Variants in SOX5 observed in about 807,000 individuals in gnomAD.
The protein encoded by SOX5 is SRY-box transcription factor 5, also known as transcription factor SOX-5.
Under a neutral mutation model 92.0 loss-of-function variants are expected in SOX5, and 9 were observed. The ratio of observed to expected loss-of-function variants is 0.10; its 90% confidence interval spans 0.06 to 0.17. The LOEUF (loss-of-function observed/expected upper bound fraction) is 0.17. Among genes scored for constraint, SOX5 ranks in the 10% least tolerant of loss-of-function variants. The probability of loss-of-function intolerance (pLI) is 1.00; values close to 1 mark genes in which losing one functional copy is unlikely to be tolerated. For missense variants in SOX5, 642 were observed against 944.5 expected, an observed-to-expected ratio of 0.68 and a Z score of 4.20; for synonymous variants, 344 against 336.3, an observed-to-expected ratio of 1.02 and a Z score of -0.25.
intron 1 of SOX5, among the ~76,000 whole-genome samples, chr12:24,559,200 T>C (rs1051753499): frequency 2.6e-5 from 4 of 152,216 alleles, no homozygotes; most frequent in Non-Finnish European, 5.9e-5. Flanking sequence ...CTAAAAATTT[T>C]TGACCAGTGC....
chr12:24,053,221 G>T (rs1443940203), intron 4 of SOX5, among the ~76,000 whole-genome samples: 9 of 135,470 alleles, frequency 6.6e-5, no homozygotes, highest in African/African-American at 1.7e-4. Context: ...TCACTCTGTT[G>T]CCCAGGCTGG....
chr12:24,537,299 C>T (rs890393793), intron 1 of SOX5, among the ~76,000 whole-genome samples: 2 of 152,222 alleles, frequency 1.3e-5, no homozygotes, highest in African/African-American at 2.4e-5. Flanking sequence ...TTAGCAGACT[C>T]TGGATCCTAG....
chr12:23,670,539 G>T (rs1346262263), intron 6 of SOX5, among the ~76,000 whole-genome samples: 1 of 152,140 alleles, frequency 6.6e-6, no homozygotes. Context: ...AGAAGACAAG[G>T]CAGAGGTGGA....
chr12:23,809,612 T>A (rs1156546408), intron 3 of SOX5, among the ~76,000 whole-genome samples: 1 of 101,206 alleles, frequency 9.9e-6, no homozygotes, highest in Non-Finnish European at 2.1e-5. Context: ...GAAACATACT[T>A]TTTTATTAAA....
chr12:23,609,176 A>G (rs1283701869), intron 8 of SOX5, among the ~76,000 whole-genome samples: 1 of 152,200 alleles, frequency 6.6e-6, no homozygotes. Context: ...ATTGGTGTGG[A>G]ACAGTGAGTG....
chr12:23,827,280 A>G (rs765307721), intron 3 of SOX5, among the ~76,000 whole-genome samples: 1 of 152,250 alleles, frequency 6.6e-6, no homozygotes, highest in Non-Finnish European at 1.5e-5. Context: ...ATCATGTTTC[A>G]TAATCACCTG....
chr12:23,776,288 CT>C (rs1417113103), intron 3 of SOX5, among the ~76,000 whole-genome samples: 24 of 152,224 alleles, frequency 1.6e-4, no homozygotes, highest in African/African-American at 5.5e-4. Context: ...ATTTTCCTCA[CT>C]GTCTTATATT....
At chr12:24,396,015 G>C (rs1057426870) in intron 1 of SOX5, among the ~76,000 whole-genome samples, 3 of 152,232 alleles carry the variant, frequency 2.0e-5, no homozygotes, top group Admixed American at 2.0e-4. Context: ...TTGTTTAAGA[G>C]AGTCTAATAA....
chr12:24,266,044 G>A (rs1257352327), intron 3 of SOX5, among the ~76,000 whole-genome samples: 2 of 57,570 alleles, frequency 3.5e-5, no homozygotes, highest in African/African-American at 8.9e-5. Context: ...ATGTGTGTGT[G>A]TGTGTGTGTG....
chr12:24,152,483 T>C (rs1264262610), intron 4 of SOX5, among the ~76,000 whole-genome samples: 1 of 152,188 alleles, frequency 6.6e-6, no homozygotes, highest in Non-Finnish European at 1.5e-5. Context: ...TTATCTTATC[T>C]GTGCCCTGGA....
chr12:24,126,740 G>A (rs1949142420), intron 4 of SOX5, among the ~76,000 whole-genome samples: 2 of 152,138 alleles, frequency 1.3e-5, no homozygotes, highest in South Asian at 2.1e-4. Context: ...CAATCGAGCT[G>A]CAGGTGCTCT....
intron 3 of SOX5, among the ~76,000 whole-genome samples, chr12:23,788,977 A>C (rs1267981800): frequency 6.6e-6 from 1 of 151,978 alleles, no homozygotes; most frequent in African/African-American, 2.4e-5. Context: ...GAATATTTGT[A>C]ACCTATTCCT....
At chr12:23,932,677 G>T (rs1019042225) in intron 1 of SOX5, among the ~76,000 whole-genome samples, 2 of 150,912 alleles carry the variant, frequency 1.3e-5, no homozygotes, top group African/African-American at 4.9e-5. Context: ...TATTTTTTTT[G>T]AAATAAAAAA....
intron 4 of SOX5, among the ~76,000 whole-genome samples, chr12:23,976,390 T>TAAAAAAAAAAAAAAAAAA (rs1327142180): frequency 1.8e-5 from 2 of 111,576 alleles, no homozygotes; most frequent in African/African-American, 7.2e-5. Context: ...TGAACACTAT[T>TAAAAAAAAAAAAAAAAAA]AAAAAAACAA....
At position 23,821,307 on chromosome 12, in the gene SOX5, G is replaced by A. The variant is rs541458285; in HGVS notation, c.481+24676C>T. On this transcript the variant is annotated intron_variant, in intron 3 of 14. Coordinates refer to ENST00000451604, the MANE Select transcript of SOX5 (RefSeq NM_006940.6). ...GAGACTTTGCTGAAGTTGCTCATCA[G>A]CTTAAGGAGTTTTGGGGCTGAGATG... Among the ~76,000 whole-genome samples, 6 of 152,324 alleles carry A rather than the reference G, an allele frequency of 3.9e-5. No homozygotes were observed. In the South Asian group the frequency reaches 1.0e-3, roughly 26 times the overall value.
chr12:24,197,266 T>TA (rs1226448195), intron 4 of SOX5, among the ~76,000 whole-genome samples: 1 of 152,180 alleles, frequency 6.6e-6, no homozygotes, highest in Non-Finnish European at 1.5e-5. Flanking sequence ...AGACTCTATA[T>TA]AAAATATTCC....
intron 2 of SOX5, among the ~76,000 whole-genome samples, chr12:24,290,702 T>C (rs980904521): frequency 6.6e-6 from 1 of 152,122 alleles, no homozygotes; most frequent in Non-Finnish European, 1.5e-5. Flanking sequence ...GGACTCACGC[T>C]ATAAAGAGGG....
At chr12:24,134,908 A>G (rs1367830037) in intron 4 of SOX5, among the ~76,000 whole-genome samples, 1 of 152,210 alleles carries the variant, frequency 6.6e-6, no homozygotes, top group Non-Finnish European at 1.5e-5. Flanking sequence ...TAAAAAAAGT[A>G]CCTTTCCTCT....
intron 9 of SOX5, among the ~76,000 whole-genome samples, chr12:23,589,225 A>C (rs1664606309): frequency 6.6e-6 from 1 of 151,954 alleles, no homozygotes; most frequent in Non-Finnish European, 1.5e-5. Context: ...GAGAAAAATA[A>C]CCTTACAAAA....
Sources: allele counts gnomAD v4.1 joint callset (sites outside exome capture counted in the v4.1 genomes callset), GRCh38; gene constraint gnomAD v4.1.1; transcripts MANE v1.5; gene names NCBI Gene and HGNC (gene_info 2026-07-23, HGNC 2026-07-21).